The following MED21 variants were observed in gnomAD, a reference collection of about 807,000 sequenced individuals.
MED21 encodes the protein mediator of RNA polymerase II transcription subunit 21.
MED21 carries 9 observed loss-of-function variants against 18.2 expected under a neutral mutation model. The observed-to-expected ratio is 0.49, with a 90% CI of 0.30 to 0.86. MED21 has a LOEUF of 0.86. Ranked by LOEUF, MED21 falls within the 40% of genes least tolerant of loss-of-function variation. The probability of loss-of-function intolerance (pLI) is 0.07; values close to 1 mark genes in which losing one functional copy is unlikely to be tolerated. For missense variants in MED21, 150 were observed against 170.9 expected (o/e 0.88, Z 0.68); for synonymous variants, 73 against 60.5 (o/e 1.21, Z -0.96).
chr12:27,022,751 T>C (rs1197639358), intron 1 of MED21, 130 bp downstream of exon 1: 1 of 1,560,530 alleles, frequency 6.4e-7, no homozygotes. Context: ...CATAAAGCGC[T>C]CTCTCGGGAG....
downstream of MED21, among the ~76,000 whole-genome samples, chr12:27,033,227 C>T (rs891303068): frequency 7.9e-5 from 12 of 152,116 alleles, no homozygotes. Context: ...AAATTTACTT[C>T]CCACAGTTCT....
At chr12:27,036,067 T>G (rs1056006151) in intron 2 of MED21, among the ~76,000 whole-genome samples, 1 of 152,184 alleles carries the variant, frequency 6.6e-6, no homozygotes, top group African/African-American at 2.4e-5. Flanking sequence ...AGTGTAAAAC[T>G]ATTCCTATTT....
chr12:27,022,961 CTTTCTT>C, intron 1 of MED21: 2 of 1,119,630 alleles, frequency 1.8e-6, no homozygotes, highest in African/African-American at 1.6e-5. Context: ...TACGGGTTCT[CTTTCTT>C]TTGGGGGTTG....
chr12:27,037,997 A>T (rs1348468385), intron 2 of MED21: 1 of 152,236 alleles, frequency 6.6e-6, no homozygotes, highest in Non-Finnish European at 1.5e-5. Context: ...AACTGTAGTA[A>T]CCATCTTACT....
chr12:27,036,084 A>T (rs1268877566), intron 2 of MED21, among the ~76,000 whole-genome samples: 1 of 152,190 alleles, frequency 6.6e-6, no homozygotes, highest in African/African-American at 2.4e-5. Context: ...ATTTCTCAAC[A>T]TCCTCTCCAG....
intron 1 of MED21, among the ~76,000 whole-genome samples, chr12:27,025,571 T>C (rs1254618180): frequency 6.6e-6 from 1 of 152,176 alleles, no homozygotes; most frequent in Non-Finnish European, 1.5e-5. Flanking sequence ...GAAAGATTTG[T>C]AGTATTAGCA....
chr12:27,023,444 C>T (rs1056631407), intron 1 of MED21, among the ~76,000 whole-genome samples: 1 of 151,554 alleles, frequency 6.6e-6, no homozygotes, highest in African/African-American at 2.4e-5. Context: ...TTACAGGCGC[C>T]CTCCACCACG....
At chr12:27,038,015 C>G (rs1431060893) in intron 2 of MED21, 1 of 152,170 alleles carries the variant, frequency 6.6e-6, no homozygotes, top group Non-Finnish European at 1.5e-5. Context: ...ACTGAAAGAT[C>G]AAACTTGTTC....
Position 27,027,437 on chromosome 12 carries a change from C to T in MED21, c.248C>T (p.Ala83Val), listed in dbSNP as rs775905946. 5 of 1,610,768 alleles carry T rather than the reference C, an allele frequency of 3.1e-6. No individual in the cohort carries two copies. In the East Asian group the frequency reaches 1.1e-4, roughly 36 times the overall value. The change falls in exon 3 of 4, where the codon GCT (alanine) becomes GTT (valine). Residue 83 changes from alanine (A) to valine (V), a missense_variant. Ala to Val is a moderately conservative substitution (Grantham distance 64). Coordinates refer to ENST00000282892, the MANE Select transcript of MED21 (RefSeq NM_004264.5). ...IDSLPSEEST[A>V]ALQAASLYKL... is the part of the protein sequence containing the mutation. ...TCCTTACCCAGTGAAGAATCTACAG[C>T]TGCTTTACAGGTAAGCCTCTATTCC...
chr12:27,029,126 T>C lies in MED21; in HGVS notation c.*665T>C, dbSNP rs1941583479. 1 of 985,348 alleles carries C rather than the reference T, an allele frequency of 1.0e-6. No homozygotes were observed. Among genetic ancestry groups the C allele is most frequent in the Non-Finnish European group, 1.2e-6 (1 of 829,928 alleles). 61.0% of individuals were successfully genotyped at this position (985,348 alleles called of 1,614,324 possible). ...TCTACATCCTGAACTATTTTTCCTA[T>C]TTCTTTTCACCTTGCTTTTTTTCAT... On this transcript the variant is annotated 3_prime_UTR_variant, in exon 4 of 4. Transcript: ENST00000282892.
At chr12:27,035,934 A>C (rs922507094) in intron 2 of MED21, among the ~76,000 whole-genome samples, 1 of 152,158 alleles carries the variant, frequency 6.6e-6, no homozygotes, top group Non-Finnish European at 1.5e-5. Context: ...CATGATTTAT[A>C]GTCCTTTGGG....
At position 27,029,561 on chromosome 12, in the gene MED21, A is replaced by G; in HGVS notation, c.*1100A>G. On this transcript the variant is annotated 3_prime_UTR_variant, in exon 4 of 4. Transcript: ENST00000282892. Reference sequence around the variant, plus strand: ...AGTTTCAGGAGAAAACAGGAACAATAGAACACTCTGCCTGTTATTTTTGTT... The same window carrying G: ...AGTTTCAGGAGAAAACAGGAACAATGGAACACTCTGCCTGTTATTTTTGTT... 1 of 985,458 alleles carries G rather than the reference A, an allele frequency of 1.0e-6. No homozygotes were observed. The highest frequency in any genetic ancestry group is 1.2e-6 in the Non-Finnish European group (1 of 829,934). The allele number at this position is 985,458 out of a possible 1,614,324, so 61.0% of individuals were successfully genotyped here. A position where few individuals can be genotyped will look rare whatever the true frequency, so the allele number is the denominator to read the frequency against.
Position 27,026,552 on chromosome 12 carries a change from G to C in MED21, c.157+18G>C, listed in dbSNP as rs773408819. On this transcript the variant is annotated intron_variant, in intron 2 of 3. Transcript: ENST00000282892. ...TACAGAAGGTAAACAGGTTTTCTTA[G>C]CTTCTCTTAGTTTGACTCTCACATT... 3.3e-6 allele frequency: 5 copies of C among 1,508,750 alleles called. No individual in the cohort carries two copies. The East Asian group carries it at 1.1e-4, about 34-fold the overall frequency. The allele number at this position is 1,508,750 out of a possible 1,614,324, so 93.5% of individuals were successfully genotyped here. A position where few individuals can be genotyped will look rare whatever the true frequency, so the allele number is the denominator to read the frequency against.
chr12:27,022,790 C>T, intron 1 of MED21, 169 bp downstream of exon 1: 3 of 1,521,440 alleles, frequency 2.0e-6, no homozygotes, highest in Non-Finnish European at 2.6e-6. Context: ...AGGTTTGAGG[C>T]CGGCTGCCGG....
chr12:27,022,893 G>A, intron 1 of MED21: 1 of 1,384,058 alleles, frequency 7.2e-7, no homozygotes, highest in Non-Finnish European at 9.5e-7. Flanking sequence ...AGGACTTGTG[G>A]GCTGCGCGGT....
chr12:27,030,314 T>C lies in MED21; in HGVS notation c.*1853T>C. On this transcript the variant is annotated 3_prime_UTR_variant, in exon 4 of 4. Transcript: ENST00000282892. Reference sequence around the variant, plus strand: ...CCAGCTAATTTTTTTTTTCTTTTTTTTTTAGAGATGGGGTCTCACTCTGTT... The same window carrying C: ...CCAGCTAATTTTTTTTTTCTTTTTTCTTTAGAGATGGGGTCTCACTCTGTT... 1 of 483,228 alleles carries C rather than the reference T, an allele frequency of 2.1e-6. No individual in the cohort carries two copies. Among genetic ancestry groups the C allele is most frequent in the South Asian group, 4.0e-5 (1 of 25,036 alleles). 29.9% of individuals were successfully genotyped at this position (483,228 alleles called of 1,614,324 possible). A position where few individuals can be genotyped will look rare whatever the true frequency, so the allele number is the denominator to read the frequency against.
At chr12:27,038,724 A>T (rs1565482956) in intron 2 of MED21, 1 of 152,214 alleles carries the variant, frequency 6.6e-6, no homozygotes, top group Admixed American at 6.5e-5. Context: ...GTCCCTGGGG[A>T]AAGAATGGAA....
chr12:27,037,718 T>C (rs1447368819), intron 2 of MED21: 3 of 152,346 alleles, frequency 2.0e-5, no homozygotes, highest in Non-Finnish European at 2.9e-5. Context: ...AAAAAACATA[T>C]TACAAATTGG....
At chr12:27,036,794 T>C (rs1037242953) in intron 2 of MED21, among the ~76,000 whole-genome samples, 2 of 152,118 alleles carry the variant, frequency 1.3e-5, no homozygotes, top group Admixed American at 6.6e-5. Context: ...TTCCATTGAT[T>C]TATATCTCTG....
Sources: allele counts gnomAD v4.1 joint callset (sites outside exome capture counted in the v4.1 genomes callset), GRCh38; gene constraint gnomAD v4.1.1; transcripts MANE v1.5; gene names NCBI Gene and HGNC (gene_info 2026-07-23, HGNC 2026-07-21).